The following ADAMTS20 variants were observed in gnomAD, a reference collection of about 807,000 sequenced individuals.
The protein encoded by ADAMTS20 is A disintegrin and metalloproteinase with thrombospondin motifs 20.
Under a neutral mutation model 260.1 loss-of-function variants are expected in ADAMTS20, and 225 were observed. The ratio of observed to expected loss-of-function variants is 0.87; its 90% CI spans 0.78 to 0.97. ADAMTS20 has a LOEUF of 0.97. Ranked by LOEUF, ADAMTS20 falls within the 50% of genes least tolerant of loss-of-function variation. The pLI, the probability that ADAMTS20 is intolerant of heterozygous loss-of-function variation, is 0.00. For synonymous variants in ADAMTS20, 802 were observed against 769.5 expected (o/e 1.04, Z -0.70); for missense variants, 2,400 against 2,337.7 (o/e 1.03, Z -0.55).
chr12:43,489,762 A>C (rs1288873382), intron 7 of ADAMTS20, among the ~76,000 whole-genome samples: 1 of 151,942 alleles, frequency 6.6e-6, no homozygotes, highest in African/African-American at 2.4e-5. Flanking sequence ...GAAGTTCATG[A>C]CACAAAAAAG....
intron 7 of ADAMTS20, among the ~76,000 whole-genome samples, chr12:43,483,065 T>C (rs977863860): frequency 6.6e-6 from 1 of 152,186 alleles, no homozygotes; most frequent in Admixed American, 6.5e-5. Context: ...AGGCTACTTA[T>C]AATGAAAGAA....
rs887040137 is a variant in ADAMTS20 at position 43,492,176 on chromosome 12, C to G, written c.1076+329G>C. On this transcript the variant is annotated intron_variant, in intron 6 of 38. Coordinates refer to ENST00000389420, the MANE Select transcript of ADAMTS20 (RefSeq NM_025003.5). Reference sequence around the variant, plus strand: ...TGGGTGGATCACGAGGTCAGGAGATCGAGACCATCCTGGCTAACACGGTGA... The same window carrying G: ...TGGGTGGATCACGAGGTCAGGAGATGGAGACCATCCTGGCTAACACGGTGA... Among the ~76,000 whole-genome samples, 4 of 151,816 alleles carry G rather than the reference C, an allele frequency of 2.6e-5. No individual in the cohort carries two copies. In the South Asian group the frequency reaches 6.2e-4, roughly 24 times the overall value.
Position 43,551,308 on chromosome 12 carries a change from G to A in ADAMTS20, c.92-38C>T, listed in dbSNP as rs753645862. 4 of 1,584,144 alleles carry A rather than the reference G, an allele frequency of 2.5e-6. No homozygotes were observed. Among genetic ancestry groups the A allele is most frequent in the Non-Finnish European group, 2.6e-6 (3 of 1,163,528 alleles). On this transcript the variant is annotated intron_variant, in intron 1 of 38. Coordinates refer to ENST00000389420, the MANE Select transcript of ADAMTS20 (RefSeq NM_025003.5). The surrounding 1 kb of genome is among the most constrained non-coding windows in gnomAD (Gnocchi z 4.6). ...CGACAGGACCAGTGAGCTCCCACGC[G>A]TTCCTCATTGTCCAACTCTAAACTT... is the stretch of plus-strand genomic sequence containing the variant.
At chr12:43,359,744 A>G (rs1939827814) in intron 37 of ADAMTS20, among the ~76,000 whole-genome samples, 1 of 152,242 alleles carries the variant, frequency 6.6e-6, no homozygotes, top group Admixed American at 6.5e-5. Context: ...TTGTCTTTTC[A>G]ACACATGGTG....
intron 2 of ADAMTS20, among the ~76,000 whole-genome samples, chr12:43,538,658 A>G (rs567109161): frequency 1.6e-4 from 25 of 152,348 alleles, no homozygotes; most frequent in Non-Finnish European, 3.1e-4. Flanking sequence ...GAAGTAACAT[A>G]TATTTTAAAT....
chr12:43,394,269 G>A (rs1351355073), intron 29 of ADAMTS20, among the ~76,000 whole-genome samples: 3 of 152,066 alleles, frequency 2.0e-5, no homozygotes, highest in Admixed American at 6.6e-5. Flanking sequence ...CAGAACACTA[G>A]ACAACTGACA....
At chr12:43,536,239 G>T (rs114514355) in intron 2 of ADAMTS20, among the ~76,000 whole-genome samples, 1 of 152,036 alleles carries the variant, frequency 6.6e-6, no homozygotes, top group Non-Finnish European at 1.5e-5. Context: ...AGTAAGTGGC[G>T]GTATCAAGAT....
At chr12:43,475,600 A>C (rs1206163895) in intron 7 of ADAMTS20, among the ~76,000 whole-genome samples, 9 of 152,170 alleles carry the variant, frequency 5.9e-5, no homozygotes, top group Non-Finnish European at 1.2e-4. Flanking sequence ...ACCATACTAC[A>C]AGGCTACAGT....
chr12:43,506,905 A>G (rs1366794685), intron 3 of ADAMTS20, among the ~76,000 whole-genome samples: 1 of 152,156 alleles, frequency 6.6e-6, no homozygotes, highest in Non-Finnish European at 1.5e-5. Flanking sequence ...TAGAAAGGAC[A>G]AGAACTAAGT....
rs140419517 is a variant in ADAMTS20 at position 43,425,674 on chromosome 12, C to T, written c.4124G>A (p.Gly1375Glu). 53 of 1,596,750 alleles carry T rather than the reference C, an allele frequency of 3.3e-5. No individual in the cohort carries two copies. The African/African-American group carries it at 6.6e-4, about 20-fold the overall frequency. Residue 1375 changes from glycine (G) to glutamate (E), a missense_variant, in exon 28 of 39, where the codon GGA becomes GAA. Gly to Glu is a moderately conservative substitution (Grantham distance 98). Transcript: ENST00000389420. ...TACAAGTCTTGATTTTATTCCTCCT[C>T]CACATGTTTGTGAACACTAAAAACA... is the stretch of plus-strand genomic sequence containing the variant. ...GNWGECSQTC[G>E]GGIKSRLVIC...
intron 4 of ADAMTS20, among the ~76,000 whole-genome samples, chr12:43,501,121 C>T (rs1375833883): frequency 7.6e-6 from 1 of 132,312 alleles, no homozygotes; most frequent in Non-Finnish European, 1.5e-5. Flanking sequence ...TGCAATGGCA[C>T]GATCTCGGCT....
intron 2 of ADAMTS20, among the ~76,000 whole-genome samples, chr12:43,534,849 G>A (rs1361677295): frequency 6.6e-5 from 10 of 152,110 alleles, no homozygotes; most frequent in Non-Finnish European, 1.2e-4. Flanking sequence ...GAACAGTGCC[G>A]ATAGAAGTGG....
chr12:43,471,092 G>T (rs929411821), intron 7 of ADAMTS20, among the ~76,000 whole-genome samples: 3 of 152,114 alleles, frequency 2.0e-5, no homozygotes, highest in Non-Finnish European at 4.4e-5. Context: ...ATCTCACTAG[G>T]GAGTGCCAGA....
chr12:43,447,308 T>C (rs766797383), intron 14 of ADAMTS20, among the ~76,000 whole-genome samples: 1 of 152,126 alleles, frequency 6.6e-6, no homozygotes, highest in Non-Finnish European at 1.5e-5. Flanking sequence ...TCAAGTAGAC[T>C]TCATCCCCGG....
At chr12:43,471,010 G>T (rs112666226) in intron 7 of ADAMTS20, among the ~76,000 whole-genome samples, 3 of 152,078 alleles carry the variant, frequency 2.0e-5, no homozygotes, top group Non-Finnish European at 2.9e-5. Context: ...GAACAGCTCC[G>T]GTCTACAGCT....
chr12:43,460,988 A>ATATATATATATATATTTTTTTTTTTTTT, intron 11 of ADAMTS20, among the ~76,000 whole-genome samples: 3 of 26,394 alleles, frequency 1.1e-4, no homozygotes, highest in Non-Finnish European at 2.0e-4. Context: ...ATATATATAT[A>ATATATATATATATATTTTTTTTTTTTTT]TTTTTTTTTT....
At chr12:43,450,581 C>G (rs1387237029) in intron 14 of ADAMTS20, among the ~76,000 whole-genome samples, 2 of 152,092 alleles carry the variant, frequency 1.3e-5, no homozygotes, top group Non-Finnish European at 2.9e-5. Flanking sequence ...TCTCTTTGAA[C>G]ATCTCATTAG....
rs1943359359 is a variant in ADAMTS20, at chr12:43,540,280, G to A, written c.454-8085C>T. Among the ~76,000 whole-genome samples, 3 of 152,094 alleles carry A rather than the reference G, an allele frequency of 2.0e-5. No individual in the cohort carries two copies. In the South Asian group the frequency reaches 6.2e-4, roughly 32 times the overall value. ...TCCAATCTGTGTTCCCATGTAAGAA[G>A]AAAATACAGTTCTATCCAGAAACCA... On this transcript the variant is annotated intron_variant, in intron 2 of 38. Coordinates refer to ENST00000389420, the MANE Select transcript of ADAMTS20 (RefSeq NM_025003.5).
Position 43,425,593 on chromosome 12 carries a change from T to G in ADAMTS20, c.4205A>C (p.Asn1402Thr). 1 of 1,611,074 alleles carries G rather than the reference T, an allele frequency of 6.2e-7. No homozygotes were observed. The highest frequency in any genetic ancestry group is 8.5e-7 in the Non-Finnish European group (1 of 1,178,244). The change falls in exon 28 of 39, where the codon AAC becomes ACC. Residue 1402 changes from asparagine to threonine, a missense_variant. By Grantham distance (65) the Asn-to-Thr change is moderately conservative (BLOSUM62 0). Coordinates refer to ENST00000389420, the MANE Select transcript of ADAMTS20 (RefSeq NM_025003.5). ...ACACTGTATTACGCTAGGTGGCTTG[T>G]TTACAATTTCACAGTTGTGATCTTC... ...ILEDHNCEIV[N>T]KPPSVIQCHM...
Sources: gnomAD v4.1 joint callset for allele counts (sites outside exome capture counted in the v4.1 genomes callset) on GRCh38, gnomAD v4.1.1 for gene constraint, Gnocchi (gnomAD v3.1) non-coding constraint, MANE v1.5 for transcripts, NCBI Gene and HGNC (gene_info 2026-07-23, HGNC 2026-07-21) for gene names.